The following APC variants were observed in gnomAD, a reference collection of about 807,000 sequenced individuals.
The protein encoded by APC is APC regulator of Wnt signaling pathway.
APC carries 72 observed loss-of-function variants against 247.0 expected under a neutral mutation model. The ratio of observed to expected loss-of-function variants is 0.29; its 90% confidence interval spans 0.24 to 0.35. The LOEUF is 0.35. Among genes scored for constraint, APC ranks in the 10% least tolerant of loss-of-function variants. The pLI is 1.00. For missense variants in APC, 3,400 were observed against 3,360.7 expected, an observed-to-expected ratio of 1.01 and a Z score of -0.29; for synonymous variants, 1,254 against 1,162.5, an observed-to-expected ratio of 1.08 and a Z score of -1.60.
At chr5:112,789,467 A>T (rs1759332536) in intron 6 of APC, among the ~76,000 whole-genome samples, 1 of 152,214 alleles carries the variant, frequency 6.6e-6, no homozygotes, top group Admixed American at 6.5e-5. Flanking sequence ...CATCCACCTC[A>T]CTGGACATCA....
intron 1 of APC, among the ~76,000 whole-genome samples, chr5:112,749,720 C>T (rs181572057): frequency 2.0e-5 from 3 of 151,510 alleles, no homozygotes; most frequent in African/African-American, 7.2e-5. Context: ...CTCCTGACCT[C>T]GTGATCCACC....
rs545311248 is a variant in APC at position 112,755,879 on chromosome 5, G to A, written c.135+854G>A. Among the ~76,000 whole-genome samples, 11 of 151,882 alleles carry A rather than the reference G, an allele frequency of 7.2e-5. No homozygotes were observed. In the South Asian group the frequency reaches 2.1e-3, roughly 29 times the overall value. ...AATCCCAGCTCTTAGTGAGGCAGAG[G>A]CAGGAGGATAGCTTGAGCCAAGGAG... is the stretch of plus-strand genomic sequence containing the variant. On this transcript the variant is annotated intron_variant, in intron 2 of 15. Transcript: ENST00000257430.
At chr5:112,832,995 T>A (rs562425311) in intron 14 of APC, among the ~76,000 whole-genome samples, 1 of 151,678 alleles carries the variant, frequency 6.6e-6, no homozygotes, top group East Asian at 1.9e-4. Context: ...AGAAGACAGA[T>A]TGACATCACC....
At position 112,707,577 on chromosome 5, in the gene APC, C is replaced by T. The variant is rs1750579738; in HGVS notation, c.-141C>T. ...CGGGGTGTGGCCGCCGGAAGCCTAG[C>T]CGCTGCTCGGGGGGGACCTGCGGGC... On this transcript the variant is annotated 5_prime_UTR_variant, in exon 1 of 14. Transcript: ENST00000507379. 1 of 879,152 alleles carries T rather than the reference C, an allele frequency of 1.1e-6. No individual in the cohort carries two copies. The highest frequency in any genetic ancestry group is 1.7e-5 in the African/African-American group (1 of 59,550). 54.5% of individuals were successfully genotyped at this position (879,152 alleles called of 1,614,324 possible). A position where few individuals can be genotyped will look rare whatever the true frequency, so the allele number is the denominator to read the frequency against.
intron 1 of APC, among the ~76,000 whole-genome samples, chr5:112,751,661 G>A (rs186614627): frequency 1.2e-3 from 177 of 151,824 alleles, no homozygotes; most frequent in Non-Finnish European, 1.6e-3. Context: ...GTACTATACT[G>A]TATTGCCAAA....
In APC at chr5:112,780,772, TA is replaced by T. The variant is rs753309206; in HGVS notation, c.532-17del. 1 of 1,537,804 alleles carries T rather than the reference TA, an allele frequency of 6.5e-7. No homozygotes were observed. Among genetic ancestry groups the T allele is most frequent in the African/African-American group, 1.4e-5 (1 of 72,916 alleles). On this transcript the variant is annotated splice_polypyrimidine_tract_variant and intron_variant, in intron 5 of 15. Transcript: ENST00000257430. ...TAAATACAAGATATTGATACTTTTT[TA>T]TTATTTGTGGTTTTAGTTTTCCTTA...
At chr5:112,797,656 G>A (rs1204178895) in intron 7 of APC, among the ~76,000 whole-genome samples, 1 of 152,184 alleles carries the variant, frequency 6.6e-6, no homozygotes, top group African/African-American at 2.4e-5. Context: ...AATGGGAGCT[G>A]TGAGGACAAT....
chr5:112,758,215 C>T (rs1755206019), intron 2 of APC, among the ~76,000 whole-genome samples: 4 of 152,156 alleles, frequency 2.6e-5, no homozygotes, highest in African/African-American at 9.7e-5. Context: ...GATATGAAAT[C>T]AGATAAATGC....
In APC at chr5:112,737,945, T is replaced by C. The variant is rs1025523700; in HGVS notation, c.-19+20T>C. 2.2e-5 allele frequency: 22 copies of C among 985,842 alleles called. No homozygotes were observed. The African/African-American group carries it at 3.7e-4, about 16-fold the overall frequency. The allele number at this position is 985,842 out of a possible 1,614,324, so 61.1% of individuals were successfully genotyped here. A position where few individuals can be genotyped will look rare whatever the true frequency, so the allele number is the denominator to read the frequency against. On this transcript the variant is annotated intron_variant, in intron 1 of 15. Coordinates refer to ENST00000257430, the MANE Select transcript of APC (RefSeq NM_000038.6). ...AATGGGGTAGGTGCTGGAGCCACCA[T>C]GGCCAGGCTTGCTGCGGGGGGAGGG... is the stretch of plus-strand genomic sequence containing the variant.
intron 8 of APC, among the ~76,000 whole-genome samples, chr5:112,811,481 C>A (rs562977028): frequency 1.1e-4 from 16 of 152,270 alleles, no homozygotes; most frequent in Middle Eastern, 3.4e-3. Context: ...CTCTCATGGA[C>A]CAAGTTCTAG....
intron 1 of APC, among the ~76,000 whole-genome samples, chr5:112,754,354 T>A (rs1754716716): frequency 6.6e-6 from 1 of 152,238 alleles, no homozygotes; most frequent in Admixed American, 6.5e-5. Context: ...TCTTAGAACT[T>A]CAGAACTATT....
At chr5:112,728,937 A>G (rs1317676294) in intron 1 of APC, among the ~76,000 whole-genome samples, 16 of 152,138 alleles carry the variant, frequency 1.1e-4, no homozygotes, top group African/African-American at 3.9e-4. Context: ...TTAACCTAAC[A>G]CACAATATTG....
At position 112,780,910 on chromosome 5, in the gene APC, TA is replaced by T; in HGVS notation, c.645+8del. On this transcript the variant is annotated splice_region_variant and intron_variant, in intron 6 of 15. Transcript: ENST00000257430. Reference sequence around the variant, plus strand: ...TATGGAAAAACGAGCACAGGTAAGTTACTTGTTTCTAAGTGATAAAACAGCG... The same window carrying T: ...TATGGAAAAACGAGCACAGGTAAGTTCTTGTTTCTAAGTGATAAAACAGCG... The T allele has an allele frequency of 6.4e-7, 1 of 1,564,218 alleles. No individual in the cohort carries two copies. The highest frequency in any genetic ancestry group is 1.7e-5 in the Admixed American group (1 of 59,692).
At position 112,739,299 on chromosome 5, in the gene APC, G is replaced by T. The variant is rs80058587; in HGVS notation, c.-19+1374G>T. Among the ~76,000 whole-genome samples the T allele has an allele frequency of 4.9e-3, 750 of 152,098 alleles. 4 individuals carry two copies. Among genetic ancestry groups the T allele is most frequent in the African/African-American group, 0.017 (717 of 41,462 alleles). On this transcript the variant is annotated intron_variant, in intron 1 of 15. Transcript: ENST00000257430. ...TATGCATACTTATAGTAGCCAGCCT[G>T]CCACACCTCCCCACTCCCTGAACAA...
At chr5:112,820,196 C>A (rs1762978216) in intron 10 of APC, among the ~76,000 whole-genome samples, 1 of 151,914 alleles carries the variant, frequency 6.6e-6, no homozygotes, top group African/African-American at 2.4e-5. Context: ...CACACACACA[C>A]ACACACACAC....
chr5:112,793,324 A>G (rs536201056), intron 7 of APC, among the ~76,000 whole-genome samples: 3 of 152,244 alleles, frequency 2.0e-5, no homozygotes, highest in South Asian at 2.1e-4. Flanking sequence ...AAATTTACCT[A>G]CTGAATGCTG....
intron 8 of APC, among the ~76,000 whole-genome samples, chr5:112,804,382 T>C (rs1761146458): frequency 6.6e-6 from 1 of 152,080 alleles, no homozygotes; most frequent in African/African-American, 2.4e-5. Flanking sequence ...TTGACTTAGG[T>C]AATTATAACT....
chr5:112,786,886 C>CTTTTTTTTTTTTTTT (rs1171592849), intron 6 of APC, among the ~76,000 whole-genome samples: 4 of 118,124 alleles, frequency 3.4e-5, no homozygotes, highest in African/African-American at 1.2e-4. Flanking sequence ...TTTTCTTTTT[C>CTTTTTTTTTTTTTTT]TTTTTTTTTT....
rs1759754254 is a variant in APC at position 112,792,603 on chromosome 5, T to G, written c.729+74T>G. ...TCTGAGAAAAGAAAACATGTATAAT[T>G]TAATGTGACACCATTGAAATATAGA... On this transcript the variant is annotated intron_variant, in intron 7 of 15. Transcript: ENST00000257430. 3.8e-6 allele frequency: 4 copies of G among 1,051,408 alleles called. No individual in the cohort carries two copies. The highest frequency in any genetic ancestry group is 5.9e-6 in the Non-Finnish European group (4 of 680,166). The allele number at this position is 1,051,408 out of a possible 1,614,324, so 65.1% of individuals were successfully genotyped here. A position where few individuals can be genotyped will look rare whatever the true frequency, so the allele number is the denominator to read the frequency against.
Sources: allele counts gnomAD v4.1 joint callset (sites outside exome capture counted in the v4.1 genomes callset), GRCh38; gene constraint gnomAD v4.1.1; transcripts MANE v1.5; gene names NCBI Gene and HGNC (gene_info 2026-07-23, HGNC 2026-07-21).